Variants in ARHGEF18 observed in about 807,000 individuals in gnomAD.
The protein encoded by ARHGEF18 is rho guanine nucleotide exchange factor 18.
Under a neutral mutation model 155.7 loss-of-function variants are expected in ARHGEF18, and 93 were observed. That is an observed-to-expected ratio of 0.60 (90% CI 0.50 to 0.71). The LOEUF is 0.71. Ranked by LOEUF, ARHGEF18 falls within the 30% of genes least tolerant of loss-of-function variation. ARHGEF18 has a pLI of 0.00. For synonymous variants in ARHGEF18, 742 were observed against 753.1 expected (o/e 0.99, Z 0.24); for missense variants, 1,593 against 1,816.1 (o/e 0.88, Z 2.23).
chr19:7,396,897 T>C (rs1318267895), intron 10 of ARHGEF18, among the ~76,000 whole-genome samples: 1 of 151,972 alleles, frequency 6.6e-6, no homozygotes, highest in Non-Finnish European at 1.5e-5. Context: ...ATCACAGAAG[T>C]GTCTGGCATA....
intron 10 of ARHGEF18, among the ~76,000 whole-genome samples, chr19:7,422,251 G>A (rs1410413509): frequency 1.3e-5 from 2 of 151,764 alleles, no homozygotes; most frequent in Non-Finnish European, 2.9e-5. Context: ...AGTGTCGTAG[G>A]GCAGCATGTA....
chr19:7,397,318 T>G (rs1313974414), intron 10 of ARHGEF18, among the ~76,000 whole-genome samples: 1 of 151,942 alleles, frequency 6.6e-6, no homozygotes, highest in Non-Finnish European at 1.5e-5. Context: ...CAGACTGGAG[T>G]GCAATAGCAC....
chr19:7,450,861 G>C (rs1014068936), intron 15 of ARHGEF18, among the ~76,000 whole-genome samples: 1 of 113,276 alleles, frequency 8.8e-6, no homozygotes, highest in South Asian at 3.0e-4. Flanking sequence ...GCGGCGTCTT[G>C]CTGTCCGTTT....
chr19:7,458,401 A>T (rs993218757), intron 18 of ARHGEF18, 111 bp from the exon 19 acceptor site: 3 of 958,314 alleles, frequency 3.1e-6, no homozygotes, highest in Non-Finnish European at 4.5e-6. Flanking sequence ...TTGAAAAGAA[A>T]TGAGGAGCGT....
rs539976538 is a variant in ARHGEF18 at position 7,436,200 on chromosome 19, T to C, written c.968-4144T>C. 1.2e-3 allele frequency among the ~76,000 whole-genome samples: 66 copies of C among 53,496 alleles called. 1 individual carries two copies. In the South Asian group the frequency reaches 0.04, roughly 32 times the overall value. 35.1% of individuals were successfully genotyped at this position (53,496 alleles called of 152,430 possible). A position where few individuals can be genotyped will look rare whatever the true frequency, so the allele number is the denominator to read the frequency against. On this transcript the variant is annotated intron_variant, in intron 10 of 28. Transcript: ENST00000668164. ...TTCTTTGGAATCAGCATTTCTTCTT[T>C]TTTTTTTTTTTTTTTTGCCATCAAC...
chr19:7,441,621 C>G (rs763620870), intron 11 of ARHGEF18, 32 bp from the exon 12 acceptor site: 6 of 1,581,380 alleles, frequency 3.8e-6, no homozygotes, highest in Non-Finnish European at 5.2e-6. Flanking sequence ...ATTCACTTTT[C>G]TAAAACAATT....
At chr19:7,370,003 C>G (rs769731137) in intron 2 of ARHGEF18, among the ~76,000 whole-genome samples, 18 of 151,942 alleles carry the variant, frequency 1.2e-4, no homozygotes, top group Non-Finnish European at 1.9e-4. Context: ...TTCAGACCAG[C>G]CTCGGCAACA....
At chr19:7,468,073 C>T (rs1976773632) in intron 26 of ARHGEF18, among the ~76,000 whole-genome samples, 1 of 152,092 alleles carries the variant, frequency 6.6e-6, no homozygotes, top group African/African-American at 2.4e-5. Context: ...TGGTGGCATG[C>T]ACCTGTGGTC....
At chr19:7,439,305 A>C (rs1031626654) in intron 10 of ARHGEF18, among the ~76,000 whole-genome samples, 4 of 151,048 alleles carry the variant, frequency 2.6e-5, no homozygotes, top group Non-Finnish European at 5.9e-5. Context: ...CTACAAGAAA[A>C]TATTTTTAAA....
Position 7,441,992 on chromosome 19 carries a change from G to A in ARHGEF18, c.1300G>A (p.Asp434Asn), listed in dbSNP as rs375395050. ...FEAESWSLAV[D>N]AAYAKKQKRE... ...AGCTGAGTCCTGGAGCCTCGCCGTG[G>A]ATGCAGCCTACGCCAAGAAGCAAAA... is the stretch of plus-strand genomic sequence containing the variant. Residue 434 changes from aspartate to asparagine, a missense_variant, in exon 13 of 29, where the codon GAT becomes AAT. Asp to Asn is a conservative substitution (Grantham distance 23). Coordinates refer to ENST00000668164, the MANE Select transcript of ARHGEF18 (RefSeq NM_001367823.1). 1.1e-5 allele frequency: 17 copies of A among 1,614,156 alleles called. No individual in the cohort carries two copies. The highest frequency in any genetic ancestry group is 1.6e-4 in the Middle Eastern group (1 of 6,062).
chr19:7,359,730 G>A (rs1568262500), intron 1 of ARHGEF18, among the ~76,000 whole-genome samples: 1 of 150,610 alleles, frequency 6.6e-6, no homozygotes. Context: ...GGCTCAGTCT[G>A]TGACACAAAG....
At chr19:7,466,835 A>AG (rs1976648128) in intron 23 of ARHGEF18, 83 bp from the exon 24 acceptor site, 18 of 1,198,992 alleles carry the variant, frequency 1.5e-5, no homozygotes, top group Admixed American at 2.3e-5. Flanking sequence ...AAGTTAAAAA[A>AG]AAAGAAGAAG....
intron 2 of ARHGEF18, among the ~76,000 whole-genome samples, chr19:7,369,477 A>C (rs1432690842): frequency 6.6e-6 from 1 of 151,072 alleles, no homozygotes; most frequent in East Asian, 2.0e-4. Flanking sequence ...AAAAAAGAAA[A>C]AAAAAAGGAA....
At chr19:7,461,368 G>A (rs774741182) in intron 20 of ARHGEF18, among the ~76,000 whole-genome samples, 1 of 152,060 alleles carries the variant, frequency 6.6e-6, no homozygotes, top group Non-Finnish European at 1.5e-5. Context: ...GGCCAAGATG[G>A]CAAAACCCCG....
rs544651473 is a variant in ARHGEF18 at position 7,449,678 on chromosome 19, T to C, written c.1738-1471T>C. 2.0e-5 allele frequency among the ~76,000 whole-genome samples: 3 copies of C among 152,026 alleles called. No individual in the cohort carries two copies. In the South Asian group the frequency reaches 6.2e-4, roughly 32 times the overall value. On this transcript the variant is annotated intron_variant, in intron 15 of 28. Transcript: ENST00000668164. Reference sequence around the variant, plus strand: ...ATAATAACCCCCTGGCTGGTTCTCATTTATTTTATTTTTTTAGAGTCAGGG... The same window carrying C: ...ATAATAACCCCCTGGCTGGTTCTCACTTATTTTATTTTTTTAGAGTCAGGG...
rs567871310 is a variant in ARHGEF18, at chr19:7,454,949, G to A, written c.2104+1234G>A. On this transcript the variant is annotated intron_variant, in intron 17 of 28. Coordinates refer to ENST00000668164, the MANE Select transcript of ARHGEF18 (RefSeq NM_001367823.1). ...ATCAGCATCCCCAAGCATCCCACTC[G>A]CTGCCCAGGGTGTGCTCCGAGCCCT... is the stretch of plus-strand genomic sequence containing the variant. Among the ~76,000 whole-genome samples, 24 of 152,198 alleles carry A rather than the reference G, an allele frequency of 1.6e-4. No individual in the cohort carries two copies. The East Asian group carries it at 4.4e-3, about 28-fold the overall frequency.
chr19:7,405,491 C>T (rs1030945296), intron 10 of ARHGEF18, among the ~76,000 whole-genome samples: 2 of 152,330 alleles, frequency 1.3e-5, no homozygotes, highest in South Asian at 4.1e-4. Flanking sequence ...GCCCCAGGCT[C>T]TCTTTCCAAA....
intron 15 of ARHGEF18, 83 bp from the exon 16 acceptor site, chr19:7,451,066 C>T: frequency 8.0e-7 from 1 of 1,256,778 alleles, no homozygotes; most frequent in Non-Finnish European, 1.2e-6. Context: ...CGGGATCTTG[C>T]TGTCCGTTTC....
chr19:7,417,088 G>C (rs1568314930), intron 10 of ARHGEF18, among the ~76,000 whole-genome samples: 1 of 151,836 alleles, frequency 6.6e-6, no homozygotes. Flanking sequence ...TTTTGTATTT[G>C]TGGTAGAGAC....
Sources: gnomAD v4.1 joint callset for allele counts (sites outside exome capture counted in the v4.1 genomes callset) on GRCh38, gnomAD v4.1.1 for gene constraint, MANE v1.5 for transcripts, NCBI Gene and HGNC (gene_info 2026-07-23, HGNC 2026-07-21) for gene names.